The following HMX1 variants were observed in gnomAD, a reference collection of about 807,000 sequenced individuals.
The protein encoded by HMX1 is H6 family homeobox 1, also known as homeobox protein HMX1.
Under a neutral mutation model 8.9 loss-of-function variants are expected in HMX1, and 8 were observed. The ratio of observed to expected loss-of-function variants is 0.90; its 90% CI spans 0.53 to 1.63. The LOEUF (loss-of-function observed/expected upper bound fraction) is 1.63. Ranked by LOEUF, HMX1 falls within the 40% of genes most tolerant of loss-of-function variation. HMX1 has a pLI of 0.00. For missense variants in HMX1, 621 were observed against 558.5 expected, an observed-to-expected ratio of 1.11 and a Z score of -1.13; for synonymous variants, 311 against 283.4, an observed-to-expected ratio of 1.10 and a Z score of -0.98.
intron 1 of HMX1, among the ~76,000 whole-genome samples, chr4:8,846,631 G>A (rs1164227675): frequency 3.3e-5 from 5 of 152,144 alleles, no homozygotes; most frequent in Non-Finnish European, 1.5e-5. Flanking sequence ...GCAACCCCAT[G>A]AGTCCTGAGC....
intron 1 of HMX1, among the ~76,000 whole-genome samples, chr4:8,846,691 C>A (rs1721287397): frequency 6.6e-6 from 1 of 151,948 alleles, no homozygotes; most frequent in African/African-American, 2.4e-5. Context: ...ACACCCCACA[C>A]CCCAAACCTC....
chr4:8,848,265 G>A lies in HMX1; in HGVS notation c.395-1941C>T, dbSNP rs1721335252. 6.6e-6 allele frequency among the ~76,000 whole-genome samples: 1 copy of A among 152,156 alleles called. No homozygotes were observed. The highest frequency in any genetic ancestry group is 2.1e-4 in the South Asian group (1 of 4,836). On this transcript the variant is annotated intron_variant, in intron 1 of 1. Transcript: ENST00000506970. This position sits in a 1 kb window ranked among gnomAD's most constrained non-coding sequence, Gnocchi z 4.1. ...AATATTTTTATATTGATTGCATACT[G>A]AAATGGTAATTTTGAACATGTTGGA...
chr4:8,865,295 G>A (rs1254652412), downstream of HMX1, among the ~76,000 whole-genome samples: 1 of 152,222 alleles, frequency 6.6e-6, no homozygotes, highest in Non-Finnish European at 1.5e-5. Flanking sequence ...TAACCCCTTT[G>A]GCCTGAGCTT....
chr4:8,846,893 C>A (rs867230069), intron 1 of HMX1, among the ~76,000 whole-genome samples: 1 of 152,216 alleles, frequency 6.6e-6, no homozygotes, highest in Non-Finnish European at 1.5e-5. Context: ...TGATCTCCAG[C>A]ATGTTGTTGT....
At chr4:8,864,626 C>T (rs1285891312), downstream of HMX1, among the ~76,000 whole-genome samples, 3 of 152,204 alleles carry the variant, frequency 2.0e-5, no homozygotes, top group Admixed American at 6.5e-5. Context: ...TCTCTGGGTT[C>T]CAGGTCCTAC....
downstream of HMX1, among the ~76,000 whole-genome samples, chr4:8,863,310 G>A (rs376774448): frequency 1.3e-5 from 2 of 152,192 alleles, no homozygotes; most frequent in South Asian, 2.1e-4. Flanking sequence ...AGGTGGGGCG[G>A]AAGGCCACGA....
At chr4:8,850,337 G>A (rs1397296886) in intron 1 of HMX1, among the ~76,000 whole-genome samples, 1 of 152,090 alleles carries the variant, frequency 6.6e-6, no homozygotes, top group Non-Finnish European at 1.5e-5. Context: ...GCTCTGCCCC[G>A]ACCCCTTCCG....
At chr4:8,866,177 G>A (rs1721989223), downstream of HMX1, among the ~76,000 whole-genome samples, 3 of 152,164 alleles carry the variant, frequency 2.0e-5, no homozygotes, top group Admixed American at 2.0e-4. Context: ...GGAGCTGGAT[G>A]GTAGAGACAC....
Position 8,867,754 on chromosome 4 carries a change from GC to G in HMX1, c.985del (p.Ala329ProfsTer81). 1 of 1,287,362 alleles carries G rather than the reference GC, an allele frequency of 7.8e-7. No individual in the cohort carries two copies. Among genetic ancestry groups the G allele is most frequent in the South Asian group, 2.8e-5 (1 of 36,350 alleles). The allele number at this position is 1,287,362 out of a possible 1,614,324, so 79.7% of individuals were successfully genotyped here. A position where few individuals can be genotyped will look rare whatever the true frequency, so the allele number is the denominator to read the frequency against. ...CACGGAGGCGGCGGCCGGGAAGGCG[GC>G]CAGCGGGTAGGCGAGGGCCCCGGAG... is the stretch of plus-strand genomic sequence containing the variant. ...GFSGALAYPL[A>X]AFPAAASVPF... is the part of the protein sequence containing the mutation. On this transcript the variant is annotated frameshift_variant, in exon 2 of 2. Coordinates refer to ENST00000400677, the MANE Select transcript of HMX1 (RefSeq NM_018942.3). LOFTEE classifies it low-confidence loss of function (END_TRUNC).
Position 8,871,531 on chromosome 4 carries a change from C to T in HMX1, c.84G>A (p.Glu28=). 7.4e-7 allele frequency: 1 copy of T among 1,356,912 alleles called. No homozygotes were observed. Among genetic ancestry groups the T allele is most frequent in the African/African-American group, 1.5e-5 (1 of 65,050 alleles). The allele number at this position is 1,356,912 out of a possible 1,614,324, so 84.1% of individuals were successfully genotyped here. Residue 28 remains glutamate, a synonymous_variant, in exon 1 of 2, where the codon GAG becomes GAA. Coordinates refer to ENST00000400677, the MANE Select transcript of HMX1 (RefSeq NM_018942.3). This position sits in a 1 kb window ranked among gnomAD's most constrained non-coding sequence, Gnocchi z 4.8. The part of the protein sequence containing the change: ...SFLIENLLAA[E]AKGAGRATQG... ...GGGTCGCGCGCCCTGCGCCCTTGGC[C>T]TCGGCCGCCAGCAGGTTCTCGATGA...
intron 1 of HMX1, among the ~76,000 whole-genome samples, chr4:8,862,037 G>C (rs1222366455): frequency 1.3e-5 from 2 of 152,344 alleles, no homozygotes; most frequent in African/African-American, 4.8e-5. Flanking sequence ...TCCTCGACGC[G>C]GTCTGAGGCC....
chr4:8,857,586 C>G (rs748983410), intron 1 of HMX1, among the ~76,000 whole-genome samples: 31 of 152,218 alleles, frequency 2.0e-4, no homozygotes, highest in Admixed American at 4.6e-4. Context: ...CCCCCCGCCC[C>G]CCTGCCTGTG....
chr4:8,866,748 G>T (rs1194651379), downstream of HMX1, among the ~76,000 whole-genome samples: 3 of 152,276 alleles, frequency 2.0e-5, no homozygotes, highest in Admixed American at 2.0e-4. Context: ...GCGGCCATCA[G>T]TGGGCCTCTG....
At chr4:8,852,439 A>T (rs1038960569) in intron 1 of HMX1, among the ~76,000 whole-genome samples, 7 of 152,228 alleles carry the variant, frequency 4.6e-5, no homozygotes, top group Non-Finnish European at 8.8e-5. Context: ...AGCCTTGGAC[A>T]AAGCCACACA....
chr4:8,861,091 G>A (rs1721795740), intron 1 of HMX1, among the ~76,000 whole-genome samples: 1 of 152,072 alleles, frequency 6.6e-6, no homozygotes, highest in African/African-American at 2.4e-5. Context: ...CGCGTCCGCG[G>A]GGTCCCGGAC....
rs141703944 is a variant in HMX1, at chr4:8,849,081, C to T, written c.395-2757G>A. Among the ~76,000 whole-genome samples, 681 of 152,108 alleles carry T rather than the reference C, an allele frequency of 4.5e-3. 3 individuals carry two copies. The highest frequency in any genetic ancestry group is 0.015 in the African/African-American group (633 of 41,512). ...CCCCTGCCCGCTGCTCCATCGTGGA[C>T]GTCTTCTCTCAGAGCCTCGATTTTC... On this transcript the variant is annotated intron_variant, in intron 1 of 1. Transcript: ENST00000506970. This position sits in a 1 kb window ranked among gnomAD's most constrained non-coding sequence, Gnocchi z 6.6.
Position 8,846,335 on chromosome 4 carries a change from G to GA in HMX1, c.395-12dup, listed in dbSNP as rs1480747269. On this transcript the variant is annotated splice_polypyrimidine_tract_variant and intron_variant, in intron 1 of 1. Coordinates refer to the HMX1 transcript ENST00000506970. ...TAATCTTCTGTGTGCCTGCAGGGGA[G>GA]AAAAACCAGGTATTGGGAGCACTAG... The GA allele has an allele frequency of 3.3e-6, 5 of 1,529,554 alleles. No individual in the cohort carries two copies. In the African/African-American group the frequency reaches 6.9e-5, roughly 21 times the overall value. 94.7% of individuals were successfully genotyped at this position (1,529,554 alleles called of 1,614,324 possible). A position where few individuals can be genotyped will look rare whatever the true frequency, so the allele number is the denominator to read the frequency against.
Position 8,868,149 on chromosome 4 carries a change from G to A in HMX1, c.591C>T (p.Gly197=), listed in dbSNP as rs1255579043. Residue 197 remains glycine (G), a synonymous_variant, in exon 2 of 2, where the codon GGC becomes GGT. Coordinates refer to ENST00000400677, the MANE Select transcript of HMX1 (RefSeq NM_018942.3). This position sits in a 1 kb window ranked among gnomAD's most constrained non-coding sequence, Gnocchi z 4.6. ...TCTTCTTCTTTCGGCCGCCGCCCAC[G>A]CCAACGCCGCCGCGTGTCTCCCCAG... ...AAAGETRGGV[G]VGGGRKKKTR... The A allele has an allele frequency of 3.3e-6, 5 of 1,505,802 alleles. No homozygotes were observed. The highest frequency in any genetic ancestry group is 4.4e-6 in the Non-Finnish European group (5 of 1,132,652). The allele number at this position is 1,505,802 out of a possible 1,614,324, so 93.3% of individuals were successfully genotyped here.
downstream of HMX1, among the ~76,000 whole-genome samples, chr4:8,863,300 A>T (rs1033914199): frequency 6.6e-6 from 1 of 152,164 alleles, no homozygotes; most frequent in African/African-American, 2.4e-5. Context: ...ACAAGTTGCA[A>T]GGTGGGGCGG....
Sources: gnomAD v4.1 joint callset for allele counts (sites outside exome capture counted in the v4.1 genomes callset) on GRCh38, gnomAD v4.1.1 for gene constraint, Gnocchi (gnomAD v3.1) non-coding constraint, MANE v1.5 for transcripts, NCBI Gene and HGNC (gene_info 2026-07-23, HGNC 2026-07-21) for gene names.